RNF220: variants seen among roughly 807,000 people sequenced by gnomAD.
RNF220 encodes ring finger protein 220.
RNF220 carries 7 observed loss-of-function variants against 67.1 expected under a neutral mutation model. That is an observed-to-expected ratio of 0.10 (90% CI 0.06 to 0.20). RNF220 has a LOEUF of 0.20. Ranked by LOEUF, RNF220 falls within the 10% of genes least tolerant of loss-of-function variation. RNF220 has a pLI of 1.00. For synonymous variants in RNF220, 270 were observed against 283.2 expected (o/e 0.95, Z 0.47); for missense variants, 565 against 740.3 (o/e 0.76, Z 2.75).
chr1:44,522,887 A>C (rs1660052063), intron 2 of RNF220, among the ~76,000 whole-genome samples: 1 of 152,238 alleles, frequency 6.6e-6, no homozygotes, highest in Non-Finnish European at 1.5e-5. Flanking sequence ...GCATGCATGC[A>C]TATGCTTAAG....
At chr1:44,552,593 C>T (rs1177169626) in intron 2 of RNF220, among the ~76,000 whole-genome samples, 1 of 24,872 alleles carries the variant, frequency 4.0e-5, no homozygotes, top group African/African-American at 1.1e-4. Flanking sequence ...TTTTTTGAGA[C>T]AGAGTCTTGC....
rs114944156 is a variant in RNF220, at chr1:44,440,209, C to G, written c.625+27487C>G. 8.3e-3 allele frequency among the ~76,000 whole-genome samples: 1,257 copies of G among 152,302 alleles called. 22 individuals carry two copies. The highest frequency in any genetic ancestry group is 0.029 in the African/African-American group (1,188 of 41,572). On this transcript the variant is annotated intron_variant, in intron 2 of 14. Coordinates refer to ENST00000361799, the MANE Select transcript of RNF220 (RefSeq NM_018150.4). ...AGTCCCATCAGCTACAGCTCAAAGG[C>G]TGACTACCCACATGTGACTAGTGGC...
intron 2 of RNF220, among the ~76,000 whole-genome samples, chr1:44,590,422 C>G (rs1368845245): frequency 6.6e-6 from 1 of 152,238 alleles, no homozygotes; most frequent in Non-Finnish European, 1.5e-5. Flanking sequence ...GGGGCTTCCT[C>G]TCAGTGGTAC....
At chr1:44,443,283 G>A (rs1651749394) in intron 2 of RNF220, among the ~76,000 whole-genome samples, 1 of 149,252 alleles carries the variant, frequency 6.7e-6, no homozygotes, top group African/African-American at 2.4e-5. Flanking sequence ...TTAGAAACAG[G>A]ATCCCTCCAT....
chr1:44,405,860 G>A (rs937353033), intron 1 of RNF220, among the ~76,000 whole-genome samples: 1 of 152,152 alleles, frequency 6.6e-6, no homozygotes, highest in Non-Finnish European at 1.5e-5. Flanking sequence ...AAGTTGGGAG[G>A]GTGAGGGCAC....
At chr1:44,538,952 G>T (rs1048337852) in intron 2 of RNF220, among the ~76,000 whole-genome samples, 3 of 149,346 alleles carry the variant, frequency 2.0e-5, no homozygotes, top group African/African-American at 7.4e-5. Context: ...TGGGCGCGGT[G>T]GATCATGCCT....
chr1:44,609,324 G>A (rs1388105772), intron 2 of RNF220, among the ~76,000 whole-genome samples: 1 of 152,158 alleles, frequency 6.6e-6, no homozygotes, highest in Admixed American at 6.5e-5. Context: ...TTTGTGGTCT[G>A]TAGAGAAAAA....
In RNF220 at chr1:44,651,087, G is replaced by GC. The variant is rs1644776706; in HGVS notation, c.*317dup. 5 of 434,088 alleles carry GC rather than the reference G, an allele frequency of 1.2e-5. No homozygotes were observed. The highest frequency in any genetic ancestry group is 2.2e-5 in the Non-Finnish European group (5 of 230,332). 26.9% of individuals were successfully genotyped at this position (434,088 alleles called of 1,614,324 possible). ...AGTGGGGCACGGCTCCTAAGATCCA[G>GC]CCCCCATACTGACAGACGGACAGAC... On this transcript the variant is annotated 3_prime_UTR_variant, in exon 15 of 15. Coordinates refer to ENST00000361799, the MANE Select transcript of RNF220 (RefSeq NM_018150.4).
chr1:44,615,236 A>G (rs539518362), intron 3 of RNF220, among the ~76,000 whole-genome samples: 2 of 152,178 alleles, frequency 1.3e-5, no homozygotes, highest in Non-Finnish European at 2.9e-5. Context: ...CCAGCCAACG[A>G]GATGGAAGCT....
chr1:44,624,770 A>G lies in RNF220; in HGVS notation c.805-1527A>G, dbSNP rs1252152953. On this transcript the variant is annotated intron_variant, in intron 4 of 14. Transcript: ENST00000361799. This position sits in a 1 kb window ranked among gnomAD's most constrained non-coding sequence, Gnocchi z 4.2. ...AAAAAATTAGCCGGTGGCGGCTATC[A>G]TATTAAAGGGTGAAGAAGCCGTGAA... 6.6e-6 allele frequency among the ~76,000 whole-genome samples: 1 copy of G among 152,180 alleles called. No homozygotes were observed. The highest frequency in any genetic ancestry group is 6.5e-5 in the Admixed American group (1 of 15,282).
rs1573015885 is a variant in RNF220 at position 44,604,955 on chromosome 1, T to C, written c.626-9210T>C. 2.0e-5 allele frequency among the ~76,000 whole-genome samples: 3 copies of C among 152,162 alleles called. No homozygotes were observed. In the East Asian group the frequency reaches 5.8e-4, roughly 29 times the overall value. On this transcript the variant is annotated intron_variant, in intron 2 of 14. Transcript: ENST00000361799. ...TGTGTGTCACATGTAAGGAACCTCA[T>C]GCTGTGTGAGAGGGTCTATACATGT...
intron 2 of RNF220, among the ~76,000 whole-genome samples, chr1:44,460,479 T>A (rs1220441364): frequency 6.6e-6 from 1 of 152,092 alleles, no homozygotes; most frequent in Non-Finnish European, 1.5e-5. Context: ...GATGTTTGGC[T>A]GAAAAAATAA....
Position 44,412,825 on chromosome 1 carries a change from G to C in RNF220, c.625+103G>C, listed in dbSNP as rs1309160170. 7.6e-7 allele frequency: 1 copy of C among 1,316,458 alleles called. No homozygotes were observed. The highest frequency in any genetic ancestry group is 2.3e-5 in the East Asian group (1 of 43,004). 81.5% of individuals were successfully genotyped at this position (1,316,458 alleles called of 1,614,324 possible). Reference sequence around the variant, plus strand: ...TTTGCATGCTCCTAGTAATAGGAAGGGCCAACTACTTCCCTTTCACTAGCT... The same window carrying C: ...TTTGCATGCTCCTAGTAATAGGAAGCGCCAACTACTTCCCTTTCACTAGCT... On this transcript the variant is annotated intron_variant, in intron 2 of 14. Coordinates refer to ENST00000361799, the MANE Select transcript of RNF220 (RefSeq NM_018150.4). This position sits in a 1 kb window ranked among gnomAD's most constrained non-coding sequence, Gnocchi z 5.3.
chr1:44,414,136 T>A (rs1451994946), intron 2 of RNF220, among the ~76,000 whole-genome samples: 1 of 152,238 alleles, frequency 6.6e-6, no homozygotes, highest in South Asian at 2.1e-4. Context: ...TGGTTCTCTT[T>A]CACCTTTTCA....
intron 2 of RNF220, among the ~76,000 whole-genome samples, chr1:44,468,477 A>G (rs1654480502): frequency 6.6e-6 from 1 of 152,232 alleles, no homozygotes; most frequent in Admixed American, 6.5e-5. Flanking sequence ...GTTATTGCTT[A>G]GGCAAGCCCT....
At chr1:44,527,579 G>A (rs1201412089) in intron 2 of RNF220, among the ~76,000 whole-genome samples, 2 of 151,946 alleles carry the variant, frequency 1.3e-5, no homozygotes, top group Non-Finnish European at 2.9e-5. Flanking sequence ...AAAACATAAC[G>A]AGACCCTGTC....
chr1:44,577,747 C>T (rs1462943370), intron 2 of RNF220, among the ~76,000 whole-genome samples: 1 of 152,112 alleles, frequency 6.6e-6, no homozygotes, highest in Non-Finnish European at 1.5e-5. Context: ...GGGTGGATCA[C>T]TTGAGGTCAG....
chr1:44,607,084 C>A (rs1667318531), intron 2 of RNF220, among the ~76,000 whole-genome samples: 1 of 152,188 alleles, frequency 6.6e-6, no homozygotes, highest in Non-Finnish European at 1.5e-5. Context: ...TGTCCCTTAA[C>A]TTCCACGTCC....
chr1:44,408,716 C>T (rs1161934305), intron 1 of RNF220: 2 of 152,120 alleles, frequency 1.3e-5, no homozygotes, highest in African/African-American at 4.8e-5. Context: ...TTGTAATAAG[C>T]AGAGGAGTGT....
Sources: allele counts gnomAD v4.1 joint callset (sites outside exome capture counted in the v4.1 genomes callset), GRCh38; gene constraint gnomAD v4.1.1; non-coding constraint Gnocchi (gnomAD v3.1); transcripts MANE v1.5; gene names NCBI Gene and HGNC (gene_info 2026-07-23, HGNC 2026-07-21).